SP140: variants seen among roughly 807,000 people sequenced by gnomAD.
The protein encoded by SP140 is nuclear body protein SP140.
A neutral mutation model predicts 125.0 loss-of-function variants in SP140; 81 were observed. The ratio of observed to expected loss-of-function variants is 0.65; its 90% CI spans 0.54 to 0.78. SP140 has a LOEUF of 0.78. Among genes scored for constraint, SP140 ranks in the 30% least tolerant of loss-of-function variants. The probability of loss-of-function intolerance (pLI) is 0.00; values close to 1 mark genes in which losing one functional copy is unlikely to be tolerated. For missense variants in SP140, 858 were observed against 1,037.0 expected (o/e 0.83, Z 2.37); for synonymous variants, 312 against 354.0 (o/e 0.88, Z 1.33).
At chr2:230,200,218 T>A (rs987581468), upstream of SP140, among the ~76,000 whole-genome samples, 19 of 152,202 alleles carry the variant, frequency 1.2e-4, no homozygotes, top group Non-Finnish European at 4.4e-5. Context: ...ATGTGAGAGT[T>A]CTGTGATTTT....
intron 4 of SP140, 130 bp downstream of exon 4, chr2:230,241,617 C>T (rs2048740056): frequency 1.6e-6 from 1 of 636,742 alleles, no homozygotes; most frequent in Non-Finnish European, 2.8e-6. Flanking sequence ...CTCACACAGC[C>T]ATGTACCTGC....
chr2:230,268,426 G>A (rs1020672455), intron 12 of SP140, among the ~76,000 whole-genome samples: 35 of 151,840 alleles, frequency 2.3e-4, no homozygotes, highest in African/African-American at 8.5e-4. Context: ...TTGGGAGGCT[G>A]AGACAGGAGA....
chr2:230,300,366 A>C (rs916806037), intron 22 of SP140, among the ~76,000 whole-genome samples: 3 of 152,320 alleles, frequency 2.0e-5, no homozygotes, highest in African/African-American at 7.2e-5. Context: ...TGTACTAAAC[A>C]AAACTACAAT....
chr2:230,200,929 T>C (rs1312410116), upstream of SP140: 2 of 1,613,878 alleles, frequency 1.2e-6, no homozygotes, highest in African/African-American at 2.7e-5. Flanking sequence ...CTGGGACCTC[T>C]TTCCTTCATT....
intron 15 of SP140, among the ~76,000 whole-genome samples, chr2:230,272,133 A>G (rs1376714585): frequency 6.6e-6 from 1 of 152,234 alleles, no homozygotes; most frequent in Admixed American, 6.5e-5. Context: ...TAAAATGGTC[A>G]TACTGCCCAA....
At chr2:230,209,977 G>A in intron 1 of SP140, 2 of 1,609,208 alleles carry the variant, frequency 1.2e-6, no homozygotes, top group Non-Finnish European at 1.7e-6. Context: ...GCTCTTCTGG[G>A]TCATTTGGTT....
rs2048046234 is a variant in SP140 at position 230,236,591 on chromosome 2, G to A, written c.60-492G>A. On this transcript the variant is annotated intron_variant, in intron 1 of 26. Transcript: ENST00000392045. ...TACTAGAGGATTCTTTCTTTCTTGG[G>A]GACACTAGTCTTTTGGTTCTATTCA... is the stretch of plus-strand genomic sequence containing the variant. Among the ~76,000 whole-genome samples the A allele has an allele frequency of 2.0e-5, 3 of 152,098 alleles. No homozygotes were observed. In the South Asian group the frequency reaches 6.2e-4, roughly 32 times the overall value.
the SP140 span, among the ~76,000 whole-genome samples, chr2:230,190,793 G>T: frequency 2.6e-5 from 4 of 152,142 alleles, no homozygotes; most frequent in African/African-American, 7.2e-5. Context: ...AGTTTTCCTG[G>T]CACCATTTAT....
intron 18 of SP140, among the ~76,000 whole-genome samples, chr2:230,288,572 AC>A (rs1163096188): frequency 6.7e-6 from 1 of 149,350 alleles, no homozygotes; most frequent in Non-Finnish European, 1.5e-5. Context: ...TGCAGGTTCT[AC>A]AACCCATCAT....
In SP140 at chr2:230,294,940, G is replaced by A. The variant is rs182029055; in HGVS notation, c.2016+622G>A. ...CCTGTTACCACAATGGTGCCACTGA[G>A]GAGGAAGATCTCCAGAGGCAAATGT... is the stretch of plus-strand genomic sequence containing the variant. On this transcript the variant is annotated intron_variant, in intron 21 of 26. Coordinates refer to ENST00000392045, the MANE Select transcript of SP140 (RefSeq NM_007237.5). Among the ~76,000 whole-genome samples the A allele has an allele frequency of 2.1e-4, 32 of 152,338 alleles. No homozygotes were observed. In the East Asian group the frequency reaches 5.8e-3, roughly 28 times the overall value.
chr2:230,249,073 T>A lies in SP140; in HGVS notation c.976+105T>A, dbSNP rs946237745. 1.6e-5 allele frequency: 12 copies of A among 772,220 alleles called. No individual in the cohort carries two copies. The African/African-American group carries it at 2.1e-4, about 14-fold the overall frequency. The allele number at this position is 772,220 out of a possible 1,614,324, so 47.8% of individuals were successfully genotyped here. A position where few individuals can be genotyped will look rare whatever the true frequency, so the allele number is the denominator to read the frequency against. ...CCATCCTACCCTTCCCTTCTTCACA[T>A]TCGCATACATACAGATGGAATTATG... On this transcript the variant is annotated intron_variant, in intron 9 of 26. Transcript: ENST00000392045.
intron 12 of SP140, among the ~76,000 whole-genome samples, chr2:230,259,188 G>A (rs542313122): frequency 1.3e-5 from 2 of 152,136 alleles, no homozygotes; most frequent in African/African-American, 4.8e-5. Context: ...AGATTTTGGT[G>A]CACCCATCAC....
At chr2:230,229,548 C>T (rs1422049903) in intron 1 of SP140, among the ~76,000 whole-genome samples, 1 of 140,126 alleles carries the variant, frequency 7.1e-6, no homozygotes, top group East Asian at 2.2e-4. Context: ...GCTCTCTGCA[C>T]ACTCCGCCTC....
At chr2:230,297,973 C>A (rs537491493) in intron 22 of SP140, among the ~76,000 whole-genome samples, 6 of 152,324 alleles carry the variant, frequency 3.9e-5, no homozygotes, top group African/African-American at 1.4e-4. Flanking sequence ...GTCATTAGCC[C>A]TGTAAAGGAG....
At chr2:230,199,145 ATTATTTTTT>A (rs753624014), upstream of SP140, among the ~76,000 whole-genome samples, 61 of 121,708 alleles carry the variant, frequency 5.0e-4, no homozygotes, top group Middle Eastern at 0.017. Flanking sequence ...TATTATTATT[ATTATTTTTT>A]TTTTTTTTTA....
chr2:230,252,822 G>T (rs2050572964), intron 10 of SP140, among the ~76,000 whole-genome samples: 2 of 152,148 alleles, frequency 1.3e-5, no homozygotes, highest in South Asian at 4.1e-4. Flanking sequence ...CCAGCTGGGG[G>T]TTCAGGGCCG....
the SP140 span, among the ~76,000 whole-genome samples, chr2:230,186,786 G>T: frequency 6.6e-6 from 1 of 152,108 alleles, no homozygotes; most frequent in South Asian, 2.1e-4. Flanking sequence ...ACCTCACTTA[G>T]AATAATGGCC....
intron 1 of SP140, among the ~76,000 whole-genome samples, chr2:230,234,762 C>T (rs2047732490): frequency 6.6e-6 from 1 of 152,182 alleles, no homozygotes; most frequent in Non-Finnish European, 1.5e-5. Flanking sequence ...TTTCCAAGGT[C>T]GTTTTATTTT....
At position 230,284,349 on chromosome 2, in the gene SP140, A is replaced by G. The variant is rs750076968; in HGVS notation, c.1502A>G (p.Lys501Arg). 3 of 1,604,750 alleles carry G rather than the reference A, an allele frequency of 1.9e-6. No individual in the cohort carries two copies. The highest frequency in any genetic ancestry group is 1.3e-5 in the African/African-American group (1 of 74,344). Residue 501 changes from lysine to arginine, a missense_variant, in exon 16 of 27, where the codon AAA becomes AGA. By Grantham distance (26) the Lys-to-Arg change is conservative. Around this residue, in one of 4 missense-constraint regions of SP140, gnomAD observed 791 missense variants for 869.5 expected, o/e 0.91. Transcript: ENST00000392045. ...TLGKPKRKRR[K>R]KRGHGWSRMR... is the part of the protein sequence containing the mutation. Reference sequence around the variant, plus strand: ...CTTTATTCTCTTTGGTTTGAAGGAAAAAAGAGGGGGCATGGCTGGAGCAGA... The same window carrying G: ...CTTTATTCTCTTTGGTTTGAAGGAAGAAAGAGGGGGCATGGCTGGAGCAGA...
Sources: allele counts gnomAD v4.1 joint callset (sites outside exome capture counted in the v4.1 genomes callset), GRCh38; gene constraint gnomAD v4.1.1; regional missense constraint gnomAD v4.1.1; transcripts MANE v1.5; gene names NCBI Gene and HGNC (gene_info 2026-07-23, HGNC 2026-07-21).